The following FOSL1 variants were observed in gnomAD, a reference collection of about 807,000 sequenced individuals.
FOSL1 encodes FOS like 1, AP-1 transcription factor subunit.
A neutral mutation model predicts 24.9 loss-of-function variants in FOSL1; 14 were observed. The observed-to-expected ratio is 0.56, with a 90% confidence interval of 0.37 to 0.88. The LOEUF is 0.88. Among genes scored for constraint, FOSL1 ranks in the 40% least tolerant of loss-of-function variants. The pLI is 0.00. For missense variants in FOSL1, 318 were observed against 359.8 expected (o/e 0.88, Z 0.94); for synonymous variants, 133 against 145.1 (o/e 0.92, Z 0.60).
chr11:65,898,477 G>A (rs949767522), intron 1 of FOSL1, among the ~76,000 whole-genome samples: 1 of 152,130 alleles, frequency 6.6e-6, no homozygotes, highest in African/African-American at 2.4e-5. Context: ...TAGCCACCTG[G>A]CATGGCAGGC....
At chr11:65,893,412 TG>T in intron 3 of FOSL1, 116 bp from the exon 4 acceptor site, 1 of 745,002 alleles carries the variant, frequency 1.3e-6, no homozygotes, top group East Asian at 2.5e-5. Context: ...GGGGGGGCAG[TG>T]GAGAGTCCCC....
chr11:65,893,341 C>T (rs377377471), intron 3 of FOSL1, 45 bp from the exon 4 acceptor site: 19 of 1,512,728 alleles, frequency 1.3e-5, no homozygotes, highest in Non-Finnish European at 1.7e-5. Context: ...GGGCTGAATA[C>T]CCCAGAGCCG....
rs775521079 is a variant in FOSL1 at position 65,892,221 on chromosome 11, C to G, written c.*665G>C. 3 of 212,630 alleles carry G rather than the reference C, an allele frequency of 1.4e-5. No homozygotes were observed. The highest frequency in any genetic ancestry group is 5.4e-5 in the Admixed American group (1 of 18,668). The allele number at this position is 212,630 out of a possible 1,614,324, so 13.2% of individuals were successfully genotyped here. A position where few individuals can be genotyped will look rare whatever the true frequency, so the allele number is the denominator to read the frequency against. ...TCTGGGTCCAGTGAGGCACTCAGGC[C>G]ACAGCTTCAAGCCTTTTATTCCATT... On this transcript the variant is annotated 3_prime_UTR_variant, in exon 4 of 4. Transcript: ENST00000312562.
In FOSL1 at chr11:65,894,081, T is replaced by G; in HGVS notation, c.338A>C (p.Glu113Ala). 1 of 1,610,960 alleles carries G rather than the reference T, an allele frequency of 6.2e-7. No homozygotes were observed. Among genetic ancestry groups the G allele is most frequent in the Non-Finnish European group, 8.5e-7 (1 of 1,179,680 alleles). ...CTTGGCCGCAGCCAGCTTGTTCCGC[T>G]CGCGCCTTACTCGGCGGCGCTCCTC... ...EEEERRRVRR[E>A]RNKLAAAKCR... The change falls in exon 3 of 4, where the codon GAG (glutamate) becomes GCG (alanine). Residue 113 changes from glutamate (E) to alanine (A), a missense_variant. Glu to Ala is a moderately radical substitution (Grantham distance 107, BLOSUM62 -1). Coordinates refer to ENST00000312562, the MANE Select transcript of FOSL1 (RefSeq NM_005438.5).
At chr11:65,896,368 C>T (rs573975610) in intron 2 of FOSL1, among the ~76,000 whole-genome samples, 1 of 152,294 alleles carries the variant, frequency 6.6e-6, no homozygotes, top group African/African-American at 2.4e-5. Context: ...GAAACTGAGA[C>T]TGAGGGAGTA....
chr11:65,898,017 C>T (rs1303876669), intron 1 of FOSL1, among the ~76,000 whole-genome samples: 2 of 134,552 alleles, frequency 1.5e-5, no homozygotes, highest in East Asian at 2.2e-4. Context: ...TGCACCACCA[C>T]ATTTGGCTAA....
At chr11:65,893,948 C>A in intron 3 of FOSL1, 66 bp downstream of exon 3, 1 of 1,097,398 alleles carries the variant, frequency 9.1e-7, no homozygotes, top group South Asian at 1.3e-5. Context: ...GCTACATATA[C>A]TGGGGCTCTG....
chr11:65,894,176 C>T (rs1323104002), intron 2 of FOSL1, 55 bp from the exon 3 acceptor site: 3 of 1,355,396 alleles, frequency 2.2e-6, no homozygotes, highest in South Asian at 1.2e-5. Flanking sequence ...GCCTGGAACT[C>T]GCCCCTCATG....
intron 2 of FOSL1, 28 bp from the exon 3 acceptor site, chr11:65,894,149 A>G (rs759198105): frequency 6.5e-7 from 1 of 1,527,784 alleles, no homozygotes; most frequent in East Asian, 2.3e-5. Flanking sequence ...AGTGAGGAGG[A>G]CCCTGGGCTA....
chr11:65,896,135 G>A (rs72924800), intron 2 of FOSL1, among the ~76,000 whole-genome samples: 20,022 of 152,106 alleles, frequency 0.13, 1,889 homozygotes, highest in Admixed American at 0.29. Flanking sequence ...CAAAGTGCTG[G>A]GATTACAGGC....
chr11:65,893,207 C>T lies in FOSL1; in HGVS notation c.495G>A (p.Leu165=). The T allele has an allele frequency of 6.2e-7, 1 of 1,614,068 alleles. No individual in the cohort carries two copies. The highest frequency in any genetic ancestry group is 8.5e-7 in the Non-Finnish European group (1 of 1,180,000). The part of the protein sequence containing the change: ...QKQKERLELV[L]EAHRPICKIP... ...TTTTGCAGATGGGTCGGTGGGCTTC[C>T]AGCACCAGCTCTAGGCGCTCCTTCT... The change falls in exon 4 of 4, where the codon CTG becomes CTA. Residue 165 remains leucine (L), a synonymous_variant. Coordinates refer to ENST00000312562, the MANE Select transcript of FOSL1 (RefSeq NM_005438.5).
upstream of FOSL1, chr11:65,900,480 G>A: frequency 2.3e-6 from 1 of 432,840 alleles, no homozygotes; most frequent in Non-Finnish European, 3.9e-6. Flanking sequence ...TTGCAGCGGC[G>A]CGGTCACCTC....
chr11:65,893,960 G>T, intron 3 of FOSL1, 54 bp downstream of exon 3: 1 of 1,250,532 alleles, frequency 8.0e-7, no homozygotes. Flanking sequence ...GGGGCTCTGG[G>T]GGCTCTGGGA....
At position 65,892,972 on chromosome 11, in the gene FOSL1, A is replaced by G. The variant is rs1860426264; in HGVS notation, c.730T>C (p.Cys244Arg). ...VFTYPSTPEP[C>R]ASAHRKSSSS... ...CTACTCTTGCGATGAGCTGAGGCAC[A>G]AGGCTCAGGAGTGCTGGGGTAGGTG... The change falls in exon 4 of 4, where the codon TGT becomes CGT. Residue 244 changes from cysteine to arginine, a missense_variant. Transcript: ENST00000312562. The G allele has an allele frequency of 6.2e-7, 1 of 1,612,790 alleles. No homozygotes were observed. Among genetic ancestry groups the G allele is most frequent in the Non-Finnish European group, 8.5e-7 (1 of 1,179,970 alleles).
chr11:65,892,828 G>C lies in FOSL1; in HGVS notation c.*58C>G. On this transcript the variant is annotated 3_prime_UTR_variant, in exon 4 of 4. Coordinates refer to ENST00000312562, the MANE Select transcript of FOSL1 (RefSeq NM_005438.5). ...CTGTCCAGGCCAGCTGGACCGGTGGGGGAAGGGGAGGAGACATTGGCTAGG... is the reference window on the plus strand; with the variant it reads ...CTGTCCAGGCCAGCTGGACCGGTGGCGGAAGGGGAGGAGACATTGGCTAGG... 1 of 1,553,322 alleles carries C rather than the reference G, an allele frequency of 6.4e-7. No homozygotes were observed. The highest frequency in any genetic ancestry group is 8.8e-7 in the Non-Finnish European group (1 of 1,140,170).
Position 65,892,924 on chromosome 11 carries a change from A to C in FOSL1, c.778T>G (p.Ser260Ala), listed in dbSNP as rs1381124105. ...AGGGTTGGAGAGCCAAGGGGGTCAG[A>C]GGATGGGTCTCCGCTGCTGCTGCTA... ...KSSSSSGDPS[S>A]DPLGSPTLLA... The change falls in exon 4 of 4, where the codon TCT becomes GCT. Residue 260 changes from serine to alanine, a missense_variant. Ser to Ala is a moderately conservative substitution (Grantham distance 99). Transcript: ENST00000312562. The C allele has an allele frequency of 6.8e-6, 11 of 1,612,242 alleles. No homozygotes were observed. Among genetic ancestry groups the C allele is most frequent in the Non-Finnish European group, 9.3e-6 (11 of 1,179,996 alleles).
chr11:65,897,098 T>C (rs1010797861), intron 1 of FOSL1, 92 bp from the exon 2 acceptor site: 8 of 936,196 alleles, frequency 8.5e-6, no homozygotes, highest in African/African-American at 6.5e-5. Flanking sequence ...CTACCTTCAA[T>C]GTACAGGCTA....
rs766168314 is a variant in FOSL1, at chr11:65,894,029, G to A, written c.390C>T (p.Thr130=). 3.1e-6 allele frequency: 5 copies of A among 1,603,286 alleles called. No individual in the cohort carries two copies. The highest frequency in any genetic ancestry group is 2.3e-5 in the South Asian group (2 of 88,818). ...TGGTGCTCACCGCCTGCAGGAAGTC[G>A]GTCAGTTCCTTCCTCCGGTTCCTGC... ...AKCRNRRKEL[T]DFLQAETDKL... is the part of the protein sequence containing the mutation. Residue 130 remains threonine, a synonymous_variant, in exon 3 of 4, where the codon ACC becomes ACT. Coordinates refer to ENST00000312562, the MANE Select transcript of FOSL1 (RefSeq NM_005438.5).
At chr11:65,899,987 C>CACGGAGACGGAGGGACGG (rs1347335481) in intron 1 of FOSL1, among the ~76,000 whole-genome samples, 1 of 152,228 alleles carries the variant, frequency 6.6e-6, no homozygotes, top group Non-Finnish European at 1.5e-5. Context: ...AGAAAGCGGG[C>CACGGAGACGGAGGGACGG]ACGGAGACGG....
Sources: allele counts gnomAD v4.1 joint callset (sites outside exome capture counted in the v4.1 genomes callset), GRCh38; gene constraint gnomAD v4.1.1; transcripts MANE v1.5; gene names NCBI Gene and HGNC (gene_info 2026-07-23, HGNC 2026-07-21).